CCDC15: variants seen among roughly 807,000 people sequenced by gnomAD.
CCDC15 encodes the protein coiled-coil domain containing 15, also known as coiled-coil domain-containing protein 15.
CCDC15 carries 105 observed loss-of-function variants against 114.5 expected under a neutral mutation model. The observed-to-expected ratio is 0.92, with a 90% confidence interval of 0.78 to 1.08. The LOEUF is 1.08. CCDC15 is among the 50% of genes least tolerant of loss of function. CCDC15 has a pLI of 0.00. For synonymous variants in CCDC15, 334 were observed against 377.8 expected (o/e 0.88, Z 1.34); for missense variants, 1,105 against 1,093.6 (o/e 1.01, Z -0.15).
intron 4 of CCDC15, 37 bp from the exon 5 acceptor site, chr11:124,975,059 C>A: frequency 7.4e-7 from 1 of 1,347,264 alleles, no homozygotes; most frequent in East Asian, 2.5e-5. Context: ...AAAACTTATC[C>A]TGCTTTTGTT....
At chr11:124,966,833 C>T (rs779825435) in intron 4 of CCDC15, among the ~76,000 whole-genome samples, 1 of 152,152 alleles carries the variant, frequency 6.6e-6, no homozygotes, top group African/African-American at 2.4e-5. Context: ...GTAAGGCAGG[C>T]CTGGTGGGGA....
intron 13 of CCDC15, among the ~76,000 whole-genome samples, chr11:125,011,329 C>G (rs1200894627): frequency 2.0e-5 from 3 of 151,772 alleles, no homozygotes. Context: ...CCTCCACCTC[C>G]CGAGTTCAAG....
chr11:124,988,015 C>T lies in CCDC15; in HGVS notation c.1789C>T (p.Gln597Ter), dbSNP rs755327970. The T allele has an allele frequency of 5.6e-6, 9 of 1,613,598 alleles. No homozygotes were observed. Among genetic ancestry groups the T allele is most frequent in the Admixed American group, 3.3e-5 (2 of 59,986 alleles). ...AGACCAAGGTTATCTTCCTAAAGAC[C>T]AAAATATTCTACCCATATGTCAGGA... ...PRDQGYLPKDQNILPICQDRD... is the reference protein window; with the variant it reads ...PRDQGYLPKD Residue 597 changes from glutamine to a stop codon, truncating the protein, a stop_gained, in exon 8 of 16, where the codon CAA becomes TAA. Coordinates refer to ENST00000344762, the MANE Select transcript of CCDC15 (RefSeq NM_025004.3). LOFTEE classifies it high-confidence loss of function.
At chr11:125,016,221 T>A (rs1231901489) in intron 13 of CCDC15, among the ~76,000 whole-genome samples, 1 of 152,176 alleles carries the variant, frequency 6.6e-6, no homozygotes. Context: ...TCCTGAAATA[T>A]TTATGTGGCA....
At chr11:124,966,596 A>G (rs1021213375) in intron 4 of CCDC15, among the ~76,000 whole-genome samples, 2 of 152,024 alleles carry the variant, frequency 1.3e-5, no homozygotes, top group African/African-American at 4.8e-5. Flanking sequence ...TCTTTATTCA[A>G]TTTGCCAGTC....
chr11:124,965,378 A>G (rs1947756253), intron 4 of CCDC15, among the ~76,000 whole-genome samples: 1 of 152,086 alleles, frequency 6.6e-6, no homozygotes, highest in South Asian at 2.1e-4. Flanking sequence ...GGGAGGGTGT[A>G]TGTGTGGAGG....
At chr11:124,998,045 T>G (rs781108557) in intron 11 of CCDC15, among the ~76,000 whole-genome samples, 1 of 152,306 alleles carries the variant, frequency 6.6e-6, no homozygotes, top group Middle Eastern at 3.4e-3. Flanking sequence ...GGTAGGAAGC[T>G]TAGCCAAATT....
chr11:125,039,137 A>G, intron 15 of CCDC15, 68 bp downstream of exon 15: 1 of 1,391,424 alleles, frequency 7.2e-7, no homozygotes, highest in Non-Finnish European at 9.7e-7. Flanking sequence ...TAGTGGTAAT[A>G]GTAATTTACC....
intron 13 of CCDC15, among the ~76,000 whole-genome samples, chr11:125,036,132 A>T: frequency 7.7e-6 from 1 of 130,672 alleles, no homozygotes; most frequent in Admixed American, 7.9e-5. Flanking sequence ...AGATTAAAGA[A>T]CTCCCTTTAG....
At position 124,993,149 on chromosome 11, in the gene CCDC15, G is replaced by A; in HGVS notation, c.2140-20G>A. On this transcript the variant is annotated intron_variant, in intron 10 of 15. Coordinates refer to ENST00000344762, the MANE Select transcript of CCDC15 (RefSeq NM_025004.3). ...CATTTCTGCTTAGACAATCAGTTTT[G>A]TATTTTGTTGTTCCTTTAGAACAAG... The A allele has an allele frequency of 6.6e-7, 1 of 1,506,920 alleles. No individual in the cohort carries two copies. Among genetic ancestry groups the A allele is most frequent in the Non-Finnish European group, 9.2e-7 (1 of 1,089,580 alleles). The allele number at this position is 1,506,920 out of a possible 1,614,324, so 93.3% of individuals were successfully genotyped here. A position where few individuals can be genotyped will look rare whatever the true frequency, so the allele number is the denominator to read the frequency against.
chr11:125,007,390 T>C (rs916659775), intron 13 of CCDC15, among the ~76,000 whole-genome samples: 7 of 152,216 alleles, frequency 4.6e-5, no homozygotes, highest in Non-Finnish European at 7.3e-5. Context: ...GTTCCATCTG[T>C]GTTGCAGCAA....
intron 12 of CCDC15, 30 bp downstream of exon 12, chr11:125,003,989 A>G (rs192476443): frequency 5.1e-4 from 567 of 1,118,728 alleles, no homozygotes; most frequent in Non-Finnish European, 6.5e-4. Flanking sequence ...TTGGATCCCA[A>G]TATTTCTACT....
chr11:125,008,334 C>T (rs1948566005), intron 13 of CCDC15, among the ~76,000 whole-genome samples: 4 of 152,178 alleles, frequency 2.6e-5, no homozygotes. Context: ...CCGTTCATTG[C>T]TGGTATATCG....
intron 13 of CCDC15, among the ~76,000 whole-genome samples, chr11:125,021,838 G>A (rs1055003702): frequency 2.0e-5 from 3 of 151,902 alleles, no homozygotes; most frequent in African/African-American, 7.2e-5. Context: ...TTCGTATAGA[G>A]AATTACACCA....
intron 2 of CCDC15, among the ~76,000 whole-genome samples, chr11:124,958,881 A>G (rs904013085): frequency 2.0e-5 from 3 of 152,230 alleles, no homozygotes; most frequent in Non-Finnish European, 2.9e-5. Flanking sequence ...CATTTTAGAA[A>G]ATGTGTAACG....
intron 4 of CCDC15, 121 bp from the exon 5 acceptor site, chr11:124,974,975 T>G (rs1947949424): frequency 3.6e-6 from 2 of 558,898 alleles, no homozygotes; most frequent in East Asian, 3.2e-5. Flanking sequence ...CAAGTAATCC[T>G]GTTGTCTTAG....
At position 124,993,261 on chromosome 11, in the gene CCDC15, T is replaced by G; in HGVS notation, c.2214+18T>G. On this transcript the variant is annotated intron_variant, in intron 11 of 15. Coordinates refer to ENST00000344762, the MANE Select transcript of CCDC15 (RefSeq NM_025004.3). ...TGCCCTTGGTATGTTTCACACAATA[T>G]TCAAGATCTAGTCTCTTCTAGAGAA... The G allele has an allele frequency of 6.8e-7, 1 of 1,477,486 alleles. No individual in the cohort carries two copies. The highest frequency in any genetic ancestry group is 9.4e-7 in the Non-Finnish European group (1 of 1,061,812). The allele number at this position is 1,477,486 out of a possible 1,614,324, so 91.5% of individuals were successfully genotyped here.
chr11:124,968,770 C>A (rs1241281306), intron 4 of CCDC15, among the ~76,000 whole-genome samples: 1 of 152,130 alleles, frequency 6.6e-6, no homozygotes, highest in Non-Finnish European at 1.5e-5. Flanking sequence ...CGGAGCTGTT[C>A]CTATTCAGCC....
chr11:125,000,287 A>G (rs972489963), intron 11 of CCDC15, among the ~76,000 whole-genome samples: 7 of 152,136 alleles, frequency 4.6e-5, no homozygotes, highest in Non-Finnish European at 8.8e-5. Flanking sequence ...ACTGTAAGTG[A>G]TCTCTCCTAT....
Sources: gnomAD v4.1 joint callset for allele counts (sites outside exome capture counted in the v4.1 genomes callset) on GRCh38, gnomAD v4.1.1 for gene constraint, MANE v1.5 for transcripts, NCBI Gene and HGNC (gene_info 2026-07-23, HGNC 2026-07-21) for gene names.